The following BICRA variants were observed in gnomAD, a reference collection of about 807,000 sequenced individuals.
BICRA encodes BRD4 interacting chromatin remodeling complex associated protein, also known as BRD4-interacting chromatin-remodeling complex-associated protein.
BICRA carries 31 observed loss-of-function variants against 96.9 expected under a neutral mutation model. That is an observed-to-expected ratio of 0.32 (90% CI 0.24 to 0.43). The LOEUF is 0.43. Among genes scored for constraint, BICRA ranks in the 20% least tolerant of loss-of-function variants. The pLI, the probability that BICRA is intolerant of heterozygous loss-of-function variation, is 1.00. For missense variants in BICRA, 2,283 were observed against 2,190.3 expected (o/e 1.04, Z -0.84); for synonymous variants, 1,350 against 1,071.8 (o/e 1.26, Z -5.07).
intron 1 of BICRA, among the ~76,000 whole-genome samples, chr19:47,622,211 G>A (rs751817212): frequency 2.0e-4 from 30 of 150,950 alleles, no homozygotes; most frequent in Non-Finnish European, 3.7e-4. Flanking sequence ...TGATCTGCCC[G>A]CCATGGCCTC....
At position 47,701,445 on chromosome 19, in the gene BICRA, C is replaced by T. The variant is rs756996253; in HGVS notation, c.3713C>T (p.Pro1238Leu). ...SSSAPGASTQ[P>L]PPHLPTKLVI... ...TCAGCTCCCGGGGCCTCCACCCAGCCCCCTCCACACCTGCCCACCAAGCTT... is the reference window on the plus strand; with the variant it reads ...TCAGCTCCCGGGGCCTCCACCCAGCTCCCTCCACACCTGCCCACCAAGCTT... The change falls in exon 15 of 15, where the codon CCC becomes CTC. Residue 1238 changes from proline (P) to leucine (L), a missense_variant. By Grantham distance (98) the Pro-to-Leu change is moderately conservative. Coordinates refer to ENST00000594866, the MANE Select transcript of BICRA (RefSeq NM_001394372.1). This position sits in a 1 kb window ranked among gnomAD's most constrained non-coding sequence, Gnocchi z 5.4. 3.8e-6 allele frequency: 6 copies of T among 1,570,770 alleles called. No homozygotes were observed. The highest frequency in any genetic ancestry group is 3.8e-5 in the Admixed American group (2 of 52,896).
chr19:47,612,953 G>A (rs1157671511), intron 1 of BICRA, among the ~76,000 whole-genome samples: 2 of 152,172 alleles, frequency 1.3e-5, no homozygotes, highest in Non-Finnish European at 2.9e-5. Context: ...AAGAATTCTC[G>A]GGGGAGGTGG....
In BICRA at chr19:47,675,137, C is replaced by T. The variant is rs1016150472; in HGVS notation, c.85-714C>T. 1.3e-5 allele frequency among the ~76,000 whole-genome samples: 2 copies of T among 151,996 alleles called. No individual in the cohort carries two copies. Among genetic ancestry groups the T allele is most frequent in the African/African-American group, 4.8e-5 (2 of 41,380 alleles). ...GGGGGAGAGAGTGTCCACCATGGCT[C>T]CTGGATTTTGGCTTGAGCAACTGAG... On this transcript the variant is annotated intron_variant, in intron 4 of 14. Coordinates refer to ENST00000594866, the MANE Select transcript of BICRA (RefSeq NM_001394372.1). The surrounding 1 kb of genome is among the most constrained non-coding windows in gnomAD (Gnocchi z 4.7).
intron 1 of BICRA, among the ~76,000 whole-genome samples, chr19:47,611,487 C>G (rs1971906939): frequency 6.6e-6 from 1 of 152,314 alleles, no homozygotes; most frequent in South Asian, 2.1e-4. Context: ...CTTCTCCCTT[C>G]TCTACCTGAG....
chr19:47,638,254 G>A (rs1329472581), intron 1 of BICRA, among the ~76,000 whole-genome samples: 3 of 152,186 alleles, frequency 2.0e-5, no homozygotes, highest in Non-Finnish European at 4.4e-5. Flanking sequence ...GCCTCAGCCT[G>A]CCCTGAACAC....
Position 47,680,995 on chromosome 19 carries a change from G to T in BICRA, c.1825G>T (p.Ala609Ser). Residue 609 changes from alanine (A) to serine (S), a missense_variant, in exon 6 of 15, where the codon GCC becomes TCC. By Grantham distance (99) the Ala-to-Ser change is moderately conservative. Transcript: ENST00000594866. ...PDGLVQPATP[A>S]AATGEAAPVL... is the part of the protein sequence containing the mutation. ...CGGCCTGGTGCAGCCGGCCACCCCT[G>T]CCGCTGCCACCGGGGAGGCCGCGCC... The T allele has an allele frequency of 6.8e-7, 1 of 1,460,912 alleles. No homozygotes were observed. Among genetic ancestry groups the T allele is most frequent in the Admixed American group, 2.6e-5 (1 of 38,680 alleles). 90.5% of individuals were successfully genotyped at this position (1,460,912 alleles called of 1,614,324 possible). A position where few individuals can be genotyped will look rare whatever the true frequency, so the allele number is the denominator to read the frequency against.
chr19:47,659,901 T>C (rs1972680195), intron 1 of BICRA, among the ~76,000 whole-genome samples: 1 of 151,984 alleles, frequency 6.6e-6, no homozygotes, highest in Non-Finnish European at 1.5e-5. Context: ...AGGTGCACAC[T>C]AGCATACCTG....
chr19:47,625,457 C>T (rs190931783), intron 1 of BICRA, among the ~76,000 whole-genome samples: 16 of 152,274 alleles, frequency 1.1e-4, no homozygotes, highest in African/African-American at 3.4e-4. Context: ...TTGACTTTCT[C>T]GTCCAATTTC....
intron 1 of BICRA, among the ~76,000 whole-genome samples, chr19:47,654,933 G>A (rs183658881): frequency 3.3e-5 from 5 of 152,220 alleles, no homozygotes; most frequent in Admixed American, 3.3e-4. Context: ...ATCTTAGTGG[G>A]TATTGTCATG....
intron 1 of BICRA, among the ~76,000 whole-genome samples, chr19:47,633,329 C>A (rs1972250110): frequency 6.6e-6 from 1 of 151,988 alleles, no homozygotes. Context: ...ATCCGCCTGC[C>A]TTGGCCTCCC....
At chr19:47,686,757 A>C (rs954548588) in intron 7 of BICRA, among the ~76,000 whole-genome samples, 2 of 152,096 alleles carry the variant, frequency 1.3e-5, no homozygotes, top group Non-Finnish European at 2.9e-5. Flanking sequence ...TACTATGTGT[A>C]GGGGTGTGTT....
intron 1 of BICRA, among the ~76,000 whole-genome samples, chr19:47,623,306 C>T (rs1316670601): frequency 6.6e-6 from 1 of 152,094 alleles, no homozygotes; most frequent in Non-Finnish European, 1.5e-5. Flanking sequence ...TAGAGGGTCG[C>T]CTTGTTGGTT....
chr19:47,636,363 T>A (rs1445879933), intron 1 of BICRA, among the ~76,000 whole-genome samples: 1 of 152,166 alleles, frequency 6.6e-6, no homozygotes, highest in African/African-American at 2.4e-5. Context: ...TGTGCCACCA[T>A]GCCCAGCTAA....
intron 1 of BICRA, among the ~76,000 whole-genome samples, chr19:47,616,467 T>C (rs1363045166): frequency 6.6e-6 from 1 of 152,064 alleles, no homozygotes; most frequent in East Asian, 1.9e-4. Context: ...TGAAGCCCTG[T>C]CTCTACTAAA....
In BICRA at chr19:47,701,775, G is replaced by A. The variant is rs1568581784; in HGVS notation, c.4043G>A (p.Arg1348Gln). The change falls in exon 15 of 15, where the codon CGG becomes CAG. Residue 1348 changes from arginine to glutamine, a missense_variant. Physicochemically the swap from Arg to Gln is conservative, Grantham distance 43. Coordinates refer to ENST00000594866, the MANE Select transcript of BICRA (RefSeq NM_001394372.1). The surrounding 1 kb of genome is among the most constrained non-coding windows in gnomAD (Gnocchi z 5.4). ...CTCAAGGTGGCCGAGCCCCCGCCAC[G>A]GCCGCCACCACCACCGCCGCCCACG... ...ATLKVAEPPP[R>Q]PPPPPPPTGQ... 12 of 1,528,032 alleles carry A rather than the reference G, an allele frequency of 7.9e-6. No individual in the cohort carries two copies. The South Asian group carries it at 8.4e-5, about 11-fold the overall frequency. 94.7% of individuals were successfully genotyped at this position (1,528,032 alleles called of 1,614,324 possible).
chr19:47,692,293 C>T (rs902336192), intron 7 of BICRA, among the ~76,000 whole-genome samples: 1 of 151,874 alleles, frequency 6.6e-6, no homozygotes, highest in East Asian at 1.9e-4. Context: ...GTGGCGCGAT[C>T]TCATTTCACT....
intron 7 of BICRA, among the ~76,000 whole-genome samples, chr19:47,689,162 A>T (rs1370655182): frequency 6.6e-6 from 1 of 152,018 alleles, no homozygotes; most frequent in African/African-American, 2.4e-5. Context: ...ATTGTAGAAG[A>T]AGTAATATTT....
chr19:47,612,012 A>G (rs1016376604), intron 1 of BICRA, among the ~76,000 whole-genome samples: 2 of 151,976 alleles, frequency 1.3e-5, no homozygotes, highest in African/African-American at 4.8e-5. Flanking sequence ...CTGGGATTAC[A>G]GGCACCCACC....
intron 1 of BICRA, among the ~76,000 whole-genome samples, chr19:47,610,418 T>G (rs560849446): frequency 1.3e-5 from 2 of 152,202 alleles, no homozygotes; most frequent in South Asian, 2.1e-4. Context: ...TGCGGCTTCT[T>G]CCTCTCCGCG....
Sources: gnomAD v4.1 joint callset for allele counts (sites outside exome capture counted in the v4.1 genomes callset) on GRCh38, gnomAD v4.1.1 for gene constraint, Gnocchi (gnomAD v3.1) non-coding constraint, MANE v1.5 for transcripts, NCBI Gene and HGNC (gene_info 2026-07-23, HGNC 2026-07-21) for gene names.